Variants in IFT122 observed in about 807,000 individuals in gnomAD.
IFT122 encodes the protein intraflagellar transport 122.
In IFT122, 118 loss-of-function variants were observed where a neutral mutation model predicts 161.6. The ratio of observed to expected loss-of-function variants is 0.73; its 90% CI spans 0.63 to 0.85. The LOEUF (loss-of-function observed/expected upper bound fraction) is 0.85. IFT122 is among the 40% of genes least tolerant of loss of function. IFT122 has a pLI of 0.00. For synonymous variants in IFT122, 550 were observed against 602.4 expected, an observed-to-expected ratio of 0.91 and a Z score of 1.27; for missense variants, 1,381 against 1,579.6, an observed-to-expected ratio of 0.87 and a Z score of 2.13.
Position 129,475,651 on chromosome 3 carries a change from CA to C in IFT122, c.817-654del, listed in dbSNP as rs1179260710. Among the ~76,000 whole-genome samples, 6 of 148,826 alleles carry C rather than the reference CA, an allele frequency of 4.0e-5. No individual in the cohort carries two copies. In the East Asian group the frequency reaches 9.8e-4, roughly 24 times the overall value. On this transcript the variant is annotated intron_variant, in intron 9 of 29. Transcript: ENST00000348417. ...TGGGCAACAGAGTCAGACCCTTTTT[CA>C]AAAAAAAAATTTTTTGCCAGGCATG...
intron 2 of IFT122, 28 bp from the exon 3 acceptor site, chr3:129,451,882 CATAG>C: frequency 6.4e-7 from 1 of 1,556,858 alleles, no homozygotes; most frequent in Non-Finnish European, 8.9e-7. Context: ...ATAGATATCA[CATAG>C]ATAATCTGTA....
chr3:129,446,865 T>C (rs1437371965), intron 1 of IFT122, among the ~76,000 whole-genome samples: 2 of 152,228 alleles, frequency 1.3e-5, no homozygotes, highest in Non-Finnish European at 2.9e-5. Context: ...GTTTTGTTTT[T>C]TTGTTGTTGT....
At chr3:129,460,865 T>C (rs2076141125) in intron 4 of IFT122, 1 of 1,613,700 alleles carries the variant, frequency 6.2e-7, no homozygotes, top group Non-Finnish European at 8.5e-7. Flanking sequence ...TCTTGGTCTG[T>C]GATGTCTTCA....
chr3:129,462,550 G>T (rs1365992409), intron 5 of IFT122, among the ~76,000 whole-genome samples: 1 of 152,216 alleles, frequency 6.6e-6, no homozygotes, highest in Non-Finnish European at 1.5e-5. Flanking sequence ...GCTGAAGGAG[G>T]CCCAGGAGGA....
intron 4 of IFT122, chr3:129,459,191 TTTCTCACAATTGCAGTTTTAGGTTTA>T: frequency 2.4e-6 from 1 of 412,284 alleles, no homozygotes; most frequent in South Asian, 1.8e-5. Flanking sequence ...TTTCGAGGCA[TTTCTCACAATTGCAGTTTTAGGTTTA>T]TTCTGGTGAC....
Position 129,519,168 on chromosome 3 carries a change from A to C in IFT122, c.3453A>C (p.Thr1151=). 6.2e-7 allele frequency: 1 copy of C among 1,614,038 alleles called. No individual in the cohort carries two copies. Among genetic ancestry groups the C allele is most frequent in the Non-Finnish European group, 8.5e-7 (1 of 1,179,914 alleles). The change falls in exon 28 of 30, where the codon ACA becomes ACC. Residue 1151 remains threonine (T), a synonymous_variant. Transcript: ENST00000348417. The part of the protein sequence containing the change: ...KDSIGDEDPF[T]AKLSFEQGGS... ...CCATCGGAGATGAGGACCCGTTCAC[A>C]GCTAAGCTGAGCTTTGAGGTGAGGG...
rs745626141 is a variant in IFT122 at position 129,506,452 on chromosome 3, G to A, written c.2694G>A (p.Leu898=). 1 of 1,614,084 alleles carries A rather than the reference G, an allele frequency of 6.2e-7. No individual in the cohort carries two copies. Among genetic ancestry groups the A allele is most frequent in the African/African-American group, 1.3e-5 (1 of 74,934 alleles). Residue 898 remains leucine, a synonymous_variant, in exon 22 of 30, where the codon CTG becomes CTA. Coordinates refer to ENST00000348417, the MANE Select transcript of IFT122 (RefSeq NM_052989.3). The part of the protein sequence containing the change: ...AGRQREAVQV[L]EQLTNNAVAE... ...GACAGAGAGAAGCGGTCCAGGTGCTGGAGCAGCTCACAAACAATGCCGTGG... is the reference window on the plus strand; with the variant it reads ...GACAGAGAGAAGCGGTCCAGGTGCTAGAGCAGCTCACAAACAATGCCGTGG...
intron 27 of IFT122, 129 bp downstream of exon 27, chr3:129,517,723 G>C: frequency 8.0e-7 from 1 of 1,249,930 alleles, no homozygotes; most frequent in Non-Finnish European, 1.2e-6. Flanking sequence ...TTCCCAGAGA[G>C]ATTGGAGAGG....
chr3:129,481,551 A>G lies in IFT122; in HGVS notation c.1510A>G (p.Asn504Asp), dbSNP rs1370166715. The G allele has an allele frequency of 6.3e-7, 1 of 1,583,380 alleles. No individual in the cohort carries two copies. Among genetic ancestry groups the G allele is most frequent in the African/African-American group, 1.3e-5 (1 of 74,234 alleles). Residue 504 changes from asparagine to aspartate, a missense_variant, in exon 14 of 30, where the codon AAT becomes GAT. Transcript: ENST00000348417. ...NGQILKIFVD[N>D]LFAIVLLKQA... ...CCAGATCCTGAAGATCTTCGTGGAC[A>G]ATCTCTTTGCTATCGTCCTGCTGAA...
chr3:129,453,059 T>C (rs1488354794), intron 3 of IFT122, among the ~76,000 whole-genome samples: 10 of 152,120 alleles, frequency 6.6e-5, no homozygotes, highest in Admixed American at 5.9e-4. Flanking sequence ...AGAAAAGTTA[T>C]GGTTGAAGAT....
intron 18 of IFT122, among the ~76,000 whole-genome samples, chr3:129,498,395 A>G (rs2108507266): frequency 6.6e-6 from 1 of 152,358 alleles, no homozygotes; most frequent in South Asian, 2.1e-4. Context: ...GTGCTGGCAT[A>G]GAGAATCCGC....
chr3:129,457,340 T>A (rs1219151074), intron 3 of IFT122, among the ~76,000 whole-genome samples: 1 of 152,224 alleles, frequency 6.6e-6, no homozygotes, highest in East Asian at 1.9e-4. Context: ...TCCCATTGCT[T>A]TAGGATAAAG....
intron 22 of IFT122, 80 bp downstream of exon 22, chr3:129,506,629 TTTAA>T: frequency 6.3e-7 from 1 of 1,586,112 alleles, no homozygotes; most frequent in Non-Finnish European, 8.7e-7. Context: ...GCTGGGACAT[TTTAA>T]TTAAAGCCCT....
In IFT122 at chr3:129,488,397, G is replaced by C; in HGVS notation, c.1992G>C (p.Lys664Asn). ...LEGLDFETAKKAFIRVQDLRY... is the reference protein window; with the variant it reads ...LEGLDFETAKNAFIRVQDLRY... ...GTTTAGATTTTGAAACAGCAAAGAA[G>C]GTAAGCATCTAGCCAGCAGGAGCTG... is the stretch of plus-strand genomic sequence containing the variant. Residue 664 changes from lysine to asparagine, a missense_variant and splice_region_variant, in exon 16 of 30, where the codon AAG becomes AAC. Lys to Asn is a moderately conservative substitution (Grantham distance 94, BLOSUM62 0). Coordinates refer to ENST00000348417, the MANE Select transcript of IFT122 (RefSeq NM_052989.3). 6.2e-7 allele frequency: 1 copy of C among 1,614,138 alleles called. No homozygotes were observed. The highest frequency in any genetic ancestry group is 8.5e-7 in the Non-Finnish European group (1 of 1,180,022).
In IFT122 at chr3:129,514,569, C is replaced by T. The variant is rs769329698; in HGVS notation, c.3153+15C>T. On this transcript the variant is annotated intron_variant, in intron 25 of 29. Transcript: ENST00000348417. ...ACGACAGTGAGGTGAGGATGCAGCA[C>T]CCTTGGGCAGGTGGCTTCTCCTCTC... 2 of 1,614,008 alleles carry T rather than the reference C, an allele frequency of 1.2e-6. No individual in the cohort carries two copies. Among genetic ancestry groups the T allele is most frequent in the African/African-American group, 1.3e-5 (1 of 74,932 alleles).
Position 129,506,530 on chromosome 3 carries a change from G to T in IFT122, c.2772G>T (p.Gln924His). Residue 924 changes from glutamine (Q) to histidine (H), a missense_variant, in exon 22 of 30, where the codon CAG (glutamine) becomes CAT (histidine). By Grantham distance (24) the Gln-to-His change is conservative. Coordinates refer to ENST00000348417, the MANE Select transcript of IFT122 (RefSeq NM_052989.3). ...ATTATTACTGGATGCTGTCCATGCA[G>T]TGCCTCGATATAGCTCAAGGTGTGT... ...AAYYYWMLSM[Q>H]CLDIAQDPAQ... The T allele has an allele frequency of 6.2e-7, 1 of 1,614,244 alleles. No homozygotes were observed. The highest frequency in any genetic ancestry group is 8.5e-7 in the Non-Finnish European group (1 of 1,180,046).
At chr3:129,513,881 G>A (rs1377722271) in intron 24 of IFT122, 2 of 230,684 alleles carry the variant, frequency 8.7e-6, no homozygotes, top group East Asian at 3.5e-4. Context: ...GGGGGCCCCA[G>A]AGCACAGGCT....
At chr3:129,456,203 G>A in intron 3 of IFT122, 3 of 1,278,194 alleles carry the variant, frequency 2.3e-6, no homozygotes, top group Non-Finnish European at 3.1e-6. Flanking sequence ...TGAGCCCAAA[G>A]CTTATGCTTT....
chr3:129,519,061 G>A lies in IFT122; in HGVS notation c.3392-46G>A, dbSNP rs777888768. 4 of 1,533,790 alleles carry A rather than the reference G, an allele frequency of 2.6e-6. No individual in the cohort carries two copies. In the East Asian group the frequency reaches 6.7e-5, roughly 26 times the overall value. ...GGGTGTAGGGTGGAGGCTAGGGTCT[G>A]TCTCCATCTCTGCTTCTGATTCCAT... On this transcript the variant is annotated intron_variant, in intron 27 of 29. Transcript: ENST00000348417.
Sources: allele counts gnomAD v4.1 joint callset (sites outside exome capture counted in the v4.1 genomes callset), GRCh38; gene constraint gnomAD v4.1.1; transcripts MANE v1.5; gene names NCBI Gene and HGNC (gene_info 2026-07-23, HGNC 2026-07-21).